The following PHF21A variants were observed in gnomAD, a reference collection of about 807,000 sequenced individuals.
The protein encoded by PHF21A is BHC80a.
PHF21A carries 11 observed loss-of-function variants against 82.5 expected under a neutral mutation model. The ratio of observed to expected loss-of-function variants is 0.13; its 90% CI spans 0.08 to 0.22. The LOEUF is 0.22. PHF21A is among the 10% of genes least tolerant of loss of function. The pLI, the probability that PHF21A is intolerant of heterozygous loss-of-function variation, is 1.00. For missense variants in PHF21A, 579 were observed against 837.8 expected (o/e 0.69, Z 3.81); for synonymous variants, 297 against 302.8 (o/e 0.98, Z 0.20).
chr11:46,073,623 G>A (rs1034112799), intron 6 of PHF21A, among the ~76,000 whole-genome samples: 14 of 151,872 alleles, frequency 9.2e-5, no homozygotes, highest in African/African-American at 2.7e-4. Flanking sequence ...ACGTTTACAC[G>A]CCCACATACA....
At chr11:46,087,319 C>T (rs1026547449) in intron 3 of PHF21A, among the ~76,000 whole-genome samples, 1 of 152,144 alleles carries the variant, frequency 6.6e-6, no homozygotes, top group Non-Finnish European at 1.5e-5. Context: ...AAGAGTGCCT[C>T]GCACAATAAT....
intron 6 of PHF21A, among the ~76,000 whole-genome samples, chr11:45,990,222 TA>T (rs1385488326): frequency 6.7e-6 from 1 of 149,538 alleles, no homozygotes; most frequent in South Asian, 2.1e-4. Context: ...ATGGCCACAG[TA>T]AAAATCATTT....
At chr11:45,994,211 C>T (rs2136770754) in intron 6 of PHF21A, among the ~76,000 whole-genome samples, 1 of 152,300 alleles carries the variant, frequency 6.6e-6, no homozygotes, top group South Asian at 2.1e-4. Context: ...AACATTTAGA[C>T]TGGGTAAAGT....
At position 45,934,062 on chromosome 11, in the gene PHF21A, G is replaced by T. The variant is rs141388105; in HGVS notation, c.1952C>A (p.Thr651Asn). Residue 651 changes from threonine to asparagine, a missense_variant, in exon 19 of 19, where the codon ACC becomes AAC. Thr to Asn is a moderately conservative substitution (Grantham distance 65, BLOSUM62 0). Around this residue, in one of 3 missense-constraint regions of PHF21A, gnomAD observed 157 missense variants for 149.4 expected, o/e 1.05. Transcript: ENST00000676320. ...GGAGGTGGCGGCATTGGCAGGGGGG[G>T]TGCAGTCCGGGCCATTGGAGATGGC... ...VGAISNGPDC[T>N]PPANAATSTP... 15 of 1,613,926 alleles carry T rather than the reference G, an allele frequency of 9.3e-6. No individual in the cohort carries two copies. In the African/African-American group the frequency reaches 9.3e-5, roughly 10 times the overall value.
chr11:46,012,409 T>C (rs1475989923), intron 6 of PHF21A, among the ~76,000 whole-genome samples: 1 of 152,180 alleles, frequency 6.6e-6, no homozygotes, highest in Non-Finnish European at 1.5e-5. Flanking sequence ...TTCCTCCCTA[T>C]AGTCATTCCC....
intron 6 of PHF21A, among the ~76,000 whole-genome samples, chr11:46,037,015 T>C (rs2096018769): frequency 6.6e-6 from 1 of 152,196 alleles, no homozygotes; most frequent in Non-Finnish European, 1.5e-5. Flanking sequence ...CTGGCCAGTA[T>C]TTTTCATTTT....
At chr11:45,938,560 G>C (rs1272034456) in intron 15 of PHF21A, among the ~76,000 whole-genome samples, 1 of 152,064 alleles carries the variant, frequency 6.6e-6, no homozygotes, top group Non-Finnish European at 1.5e-5. Flanking sequence ...ACCCCTAGTG[G>C]ATGCCTGAAA....
chr11:46,035,644 T>C (rs2095983505), intron 6 of PHF21A, among the ~76,000 whole-genome samples: 1 of 152,290 alleles, frequency 6.6e-6, no homozygotes, highest in East Asian at 1.9e-4. Flanking sequence ...ACCTAATCTA[T>C]AGGTCAGAGA....
intron 4 of PHF21A, among the ~76,000 whole-genome samples, chr11:46,083,882 C>A (rs960298792): frequency 6.6e-5 from 10 of 151,958 alleles, no homozygotes; most frequent in Admixed American, 5.2e-4. Context: ...TTCAGATGAA[C>A]CAAAAAGCAG....
chr11:46,094,857 G>A (rs1222385713), intron 1 of PHF21A, among the ~76,000 whole-genome samples: 4 of 152,198 alleles, frequency 2.6e-5, no homozygotes, highest in South Asian at 4.1e-4. Flanking sequence ...CTGAGATCGC[G>A]CCACTACACT....
chr11:46,002,877 C>G (rs570194241), intron 6 of PHF21A, among the ~76,000 whole-genome samples: 44 of 152,110 alleles, frequency 2.9e-4, no homozygotes, highest in African/African-American at 1.1e-3. Context: ...AAAAAACACC[C>G]AATGTATTTA....
At chr11:46,013,596 G>A (rs912335396) in intron 6 of PHF21A, among the ~76,000 whole-genome samples, 7 of 152,118 alleles carry the variant, frequency 4.6e-5, no homozygotes, top group African/African-American at 1.7e-4. Flanking sequence ...CTTAATAACA[G>A]GGATATGTCC....
At chr11:45,971,890 C>CTTTTTTTTTTTTTTTTTTTTTTTTTT (rs377734291) in intron 7 of PHF21A, among the ~76,000 whole-genome samples, 5 of 50,278 alleles carry the variant, frequency 9.9e-5, no homozygotes, top group Non-Finnish European at 1.5e-4. Flanking sequence ...CTTTTTCTTT[C>CTTTTTTTTTTTTTTTTTTTTTTTTTT]TTTTTTTTTT....
intron 10 of PHF21A, among the ~76,000 whole-genome samples, chr11:45,964,236 T>TA (rs2093301828): frequency 6.7e-6 from 1 of 148,556 alleles, no homozygotes. Context: ...ATAATAATAA[T>TA]TTATTTCTGA....
chr11:46,032,243 T>C lies in PHF21A; in HGVS notation c.153+44511A>G, dbSNP rs11827112. On this transcript the variant is annotated intron_variant, in intron 6 of 18. Coordinates refer to ENST00000676320, the MANE Select transcript of PHF21A (RefSeq NM_001352027.3). The stretch of plus-strand genomic sequence containing the variant: ...TATTTATAAATGTAATATAATTTCA[T>C]TTAATTTTTTTCAAGAAATTAAAAT... Among the ~76,000 whole-genome samples the C allele has an allele frequency of 6.9e-3, 1,043 of 152,246 alleles. 10 individuals are homozygous for C. Among genetic ancestry groups the C allele is most frequent in the African/African-American group, 0.024 (992 of 41,540 alleles).
intron 15 of PHF21A, among the ~76,000 whole-genome samples, chr11:45,945,440 T>C (rs2091150465): frequency 6.6e-6 from 1 of 152,184 alleles, no homozygotes; most frequent in Non-Finnish European, 1.5e-5. Context: ...TTTGGAATTG[T>C]ATTTGAAGCA....
chr11:46,105,179 C>A (rs10769186), intron 1 of PHF21A, among the ~76,000 whole-genome samples: 4 of 152,030 alleles, frequency 2.6e-5, no homozygotes, highest in Non-Finnish European at 2.9e-5. Flanking sequence ...AAGCTAGGAT[C>A]TGGGCCCATG....
intron 7 of PHF21A, among the ~76,000 whole-genome samples, chr11:45,976,507 T>C (rs1323958850): frequency 1.3e-5 from 2 of 152,228 alleles, no homozygotes; most frequent in Admixed American, 6.5e-5. Context: ...CACTGCTCTT[T>C]GTATACCAGA....
chr11:46,066,553 G>A (rs1157279986), intron 6 of PHF21A, among the ~76,000 whole-genome samples: 3 of 151,936 alleles, frequency 2.0e-5, no homozygotes, highest in Non-Finnish European at 4.4e-5. Flanking sequence ...AAATAAATTA[G>A]CCAGGCGTGA....
Sources: allele counts gnomAD v4.1 joint callset (sites outside exome capture counted in the v4.1 genomes callset), GRCh38; gene constraint gnomAD v4.1.1; regional missense constraint gnomAD v4.1.1; transcripts MANE v1.5; gene names NCBI Gene and HGNC (gene_info 2026-07-23, HGNC 2026-07-21).